TMEM150C: variants seen among roughly 807,000 people sequenced by gnomAD.
TMEM150C encodes the protein transmembrane protein 150C.
In TMEM150C, 10 loss-of-function variants were observed where a neutral mutation model predicts 29.9. The observed-to-expected ratio is 0.33, with a 90% CI of 0.21 to 0.57. The LOEUF (loss-of-function observed/expected upper bound fraction) is 0.57, where lower values mean the gene tolerates loss of function less well. Among genes scored for constraint, TMEM150C ranks in the 20% least tolerant of loss-of-function variants. TMEM150C has a pLI of 0.88. For synonymous variants in TMEM150C, 101 were observed against 112.5 expected, an observed-to-expected ratio of 0.90 and a Z score of 0.64; for missense variants, 251 against 303.6, an observed-to-expected ratio of 0.83 and a Z score of 1.29.
chr4:82,532,120 T>A (rs1184462981), intron 1 of TMEM150C, among the ~76,000 whole-genome samples: 1 of 152,186 alleles, frequency 6.6e-6, no homozygotes, highest in Non-Finnish European at 1.5e-5. Context: ...AACAGCACAT[T>A]AGTACTGAGC....
chr4:82,502,755 A>G lies in TMEM150C; in HGVS notation c.207T>C (p.Ser69=). ...GDDPPASCVF[S]QVMNMAAFLA... ...GGAAGGCTGCCATGTTCATAACTTG[A>G]CTAAACACACAGCTTGCAGGAGGAT... is the stretch of plus-strand genomic sequence containing the variant. The change falls in exon 5 of 8, where the codon AGT becomes AGC. Residue 69 remains serine (S), a synonymous_variant. Coordinates refer to ENST00000449862, the MANE Select transcript of TMEM150C (RefSeq NM_001080506.3). 1 of 1,610,192 alleles carries G rather than the reference A, an allele frequency of 6.2e-7. No homozygotes were observed. The highest frequency in any genetic ancestry group is 8.5e-7 in the Non-Finnish European group (1 of 1,178,130).
At chr4:82,500,146 T>C (rs957078362) in intron 5 of TMEM150C, among the ~76,000 whole-genome samples, 1 of 152,240 alleles carries the variant, frequency 6.6e-6, no homozygotes. Flanking sequence ...AGAAAATAAT[T>C]GAGCATTCAA....
chr4:82,495,939 A>C, intron 6 of TMEM150C, 129 bp downstream of exon 6: 1 of 1,211,826 alleles, frequency 8.3e-7, no homozygotes, highest in South Asian at 1.5e-5. Flanking sequence ...AAAGAGTCCT[A>C]GTTTTTAAAA....
At chr4:82,513,041 G>A (rs777646350) in intron 1 of TMEM150C, among the ~76,000 whole-genome samples, 10 of 152,198 alleles carry the variant, frequency 6.6e-5, no homozygotes, top group Non-Finnish European at 1.0e-4. Flanking sequence ...CCTGCCTGCC[G>A]GCTTTGAAGA....
chr4:82,551,315 C>A (rs1282582501), intron 1 of TMEM150C, among the ~76,000 whole-genome samples: 1 of 152,168 alleles, frequency 6.6e-6, no homozygotes, highest in East Asian at 1.9e-4. Flanking sequence ...ACGGTCTGTC[C>A]TCCCCACTAT....
At chr4:82,503,203 T>C in intron 2 of TMEM150C, 91 bp from the exon 3 acceptor site, 1 of 889,554 alleles carries the variant, frequency 1.1e-6, no homozygotes, top group Non-Finnish European at 1.7e-6. Context: ...CACTAATTCA[T>C]ATTCATTTTT....
At position 82,485,371 on chromosome 4, in the gene TMEM150C, G is replaced by A; in HGVS notation, c.*140C>T. On this transcript the variant is annotated 3_prime_UTR_variant, in exon 8 of 8. Coordinates refer to ENST00000449862, the MANE Select transcript of TMEM150C (RefSeq NM_001080506.3). ...TTAAAGAAATAACTCGCCCTGAAAA[G>A]CTCATTTGGCAAATGTGGCCATGAA... 1 of 679,150 alleles carries A rather than the reference G, an allele frequency of 1.5e-6. No individual in the cohort carries two copies. The highest frequency in any genetic ancestry group is 2.5e-6 in the Non-Finnish European group (1 of 397,794). The allele number at this position is 679,150 out of a possible 1,614,324, so 42.1% of individuals were successfully genotyped here.
At chr4:82,499,214 C>T (rs779372880) in intron 5 of TMEM150C, among the ~76,000 whole-genome samples, 83 of 152,254 alleles carry the variant, frequency 5.5e-4, no homozygotes, top group African/African-American at 1.8e-3. Flanking sequence ...AAAAGACTTA[C>T]GGGCCATTTC....
intron 5 of TMEM150C, among the ~76,000 whole-genome samples, chr4:82,498,244 ACCTCAGGTGATCTG>A (rs1723619684): frequency 6.6e-6 from 1 of 151,146 alleles, no homozygotes; most frequent in Non-Finnish European, 1.5e-5. Context: ...TGAACTCCTG[ACCTCAGGTGATCTG>A]CCCACCTCAG....
At chr4:82,504,747 T>A in intron 1 of TMEM150C, 80 bp from the exon 2 acceptor site, 1 of 1,235,708 alleles carries the variant, frequency 8.1e-7, no homozygotes, top group Non-Finnish European at 1.1e-6. Flanking sequence ...TTAGTCTAAC[T>A]GGGCCAAGCA....
At chr4:82,520,724 A>G (rs1042967247) in intron 1 of TMEM150C, among the ~76,000 whole-genome samples, 2 of 152,164 alleles carry the variant, frequency 1.3e-5, no homozygotes, top group East Asian at 3.8e-4. Flanking sequence ...GTGTACAAAA[A>G]AATTAAAAAA....
Position 82,496,210 on chromosome 4 carries a change from A to G in TMEM150C, c.236-15T>C. On this transcript the variant is annotated splice_polypyrimidine_tract_variant and intron_variant, in intron 5 of 7. Transcript: ENST00000449862. Reference sequence around the variant, plus strand: ...TACCACAAGGGCTAGGAATAAAGCAAAGTCTTAAAATGGAAGAAATTAAAT... The same window carrying G: ...TACCACAAGGGCTAGGAATAAAGCAGAGTCTTAAAATGGAAGAAATTAAAT... 1 of 1,611,928 alleles carries G rather than the reference A, an allele frequency of 6.2e-7. No homozygotes were observed.
intron 7 of TMEM150C, among the ~76,000 whole-genome samples, chr4:82,486,606 C>T (rs1723169806): frequency 6.6e-6 from 1 of 151,950 alleles, no homozygotes; most frequent in African/African-American, 2.4e-5. Flanking sequence ...CAGATGAGGC[C>T]AGGTGGGGTA....
At position 82,550,116 on chromosome 4, in the gene TMEM150C, C is replaced by T. The variant is rs527751165; in HGVS notation, c.-11+11790G>A. On this transcript the variant is annotated intron_variant, in intron 1 of 7. Coordinates refer to ENST00000449862, the MANE Select transcript of TMEM150C (RefSeq NM_001080506.3). ...TAATCCCCATGTGTTGAGGGAGGGG[C>T]CTGGTGGGAGGTGACTAGATCAAGA... Among the ~76,000 whole-genome samples, 9 of 152,260 alleles carry T rather than the reference C, an allele frequency of 5.9e-5. No individual in the cohort carries two copies. The South Asian group carries it at 1.9e-3, about 32-fold the overall frequency.
At chr4:82,560,026 A>G (rs1193555259) in intron 1 of TMEM150C, among the ~76,000 whole-genome samples, 3 of 152,218 alleles carry the variant, frequency 2.0e-5, no homozygotes, top group Non-Finnish European at 4.4e-5. Flanking sequence ...CAAAGCAGAT[A>G]AAGTGAGCCC....
rs138499969 is a variant in TMEM150C at position 82,537,411 on chromosome 4, C to T, written c.-11+24495G>A. Among the ~76,000 whole-genome samples, 3 of 152,298 alleles carry T rather than the reference C, an allele frequency of 2.0e-5. No homozygotes were observed. The East Asian group carries it at 5.8e-4, about 29-fold the overall frequency. ...GCAAAGAGGTAGACAAATGGGTATTCTCCATACCATTGATGATAAATGAGC... is the reference window on the plus strand; with the variant it reads ...GCAAAGAGGTAGACAAATGGGTATTTTCCATACCATTGATGATAAATGAGC... On this transcript the variant is annotated intron_variant, in intron 1 of 7. Transcript: ENST00000449862.
rs1462383486 is a variant in TMEM150C at position 82,483,782 on chromosome 4, G to C, written c.*1729C>G. 6.8e-6 allele frequency: 1 copy of C among 146,150 alleles called. No homozygotes were observed. Among genetic ancestry groups the C allele is most frequent in the Non-Finnish European group, 1.5e-5 (1 of 67,394 alleles). The allele number at this position is 146,150 out of a possible 1,614,324, so 9.1% of individuals were successfully genotyped here. On this transcript the variant is annotated 3_prime_UTR_variant, in exon 8 of 8. Coordinates refer to ENST00000449862, the MANE Select transcript of TMEM150C (RefSeq NM_001080506.3). ...CAGACTTTGGGTTGAATTAAAAAACGTTTTTCTTTTTTTCTTTTTTTTTTG... is the reference window on the plus strand; with the variant it reads ...CAGACTTTGGGTTGAATTAAAAAACCTTTTTCTTTTTTTCTTTTTTTTTTG...
chr4:82,557,976 C>G (rs1425264914), intron 1 of TMEM150C, among the ~76,000 whole-genome samples: 1 of 152,030 alleles, frequency 6.6e-6, no homozygotes, highest in Non-Finnish European at 1.5e-5. Flanking sequence ...CATGATCCAC[C>G]CGCCTCAGCC....
intron 1 of TMEM150C, among the ~76,000 whole-genome samples, chr4:82,533,083 T>A (rs1008772768): frequency 1.6e-4 from 24 of 152,120 alleles, no homozygotes; most frequent in Admixed American, 2.6e-4. Flanking sequence ...AAACAATGAG[T>A]TTTGCTTCCA....
Sources: allele counts gnomAD v4.1 joint callset (sites outside exome capture counted in the v4.1 genomes callset), GRCh38; gene constraint gnomAD v4.1.1; transcripts MANE v1.5; gene names NCBI Gene and HGNC (gene_info 2026-07-23, HGNC 2026-07-21).